Variants in CNKSR3 observed in about 807,000 individuals in gnomAD.
The protein encoded by CNKSR3 is CNKSR family member 3.
A neutral mutation model predicts 67.7 loss-of-function variants in CNKSR3; 36 were observed. The ratio of observed to expected loss-of-function variants is 0.53; its 90% confidence interval spans 0.41 to 0.70. CNKSR3 has a LOEUF of 0.70. Ranked by LOEUF, CNKSR3 falls within the 30% of genes least tolerant of loss-of-function variation. The probability of loss-of-function intolerance (pLI) is 0.00; values close to 1 mark genes in which losing one functional copy is unlikely to be tolerated. For missense variants in CNKSR3, 630 were observed against 695.2 expected (o/e 0.91, Z 1.05); for synonymous variants, 281 against 271.4 (o/e 1.04, Z -0.35).
At chr6:154,437,410 CTTTTTTTTTT>C in intron 4 of CNKSR3, among the ~76,000 whole-genome samples, 1 of 102,144 alleles carries the variant, frequency 9.8e-6, no homozygotes. Flanking sequence ...CACCTATGTT[CTTTTTTTTTT>C]TTTTTTTTTT....
intron 1 of CNKSR3, among the ~76,000 whole-genome samples, chr6:154,460,858 G>C (rs375114404): frequency 6.6e-6 from 1 of 152,210 alleles, no homozygotes; most frequent in Non-Finnish European, 1.5e-5. Context: ...TCGGCACAGA[G>C]ACATGCAGTG....
chr6:154,454,104 C>CACACAG (rs1268729108), intron 1 of CNKSR3, among the ~76,000 whole-genome samples: 1 of 116,290 alleles, frequency 8.6e-6, no homozygotes, highest in African/African-American at 3.4e-5. Flanking sequence ...CACACACACA[C>CACACAG]AGAGAGAGAG....
chr6:154,426,562 A>G (rs1785260890), intron 7 of CNKSR3, among the ~76,000 whole-genome samples: 2 of 151,970 alleles, frequency 1.3e-5, no homozygotes, highest in Admixed American at 1.3e-4. Context: ...TCACCATGTT[A>G]GCCAGGATGG....
At chr6:154,479,108 TA>T (rs1447058719) in intron 1 of CNKSR3, among the ~76,000 whole-genome samples, 2 of 151,216 alleles carry the variant, frequency 1.3e-5, no homozygotes, top group Non-Finnish European at 2.9e-5. Context: ...ACACAGCCTA[TA>T]CCCCCCCATC....
At position 154,456,577 on chromosome 6, in the gene CNKSR3, G is replaced by A. The variant is rs372169884; in HGVS notation, c.53-6319C>T. On this transcript the variant is annotated intron_variant, in intron 1 of 12. Coordinates refer to ENST00000607772, the MANE Select transcript of CNKSR3 (RefSeq NM_173515.4). ...AAAAAAATAGCTGGGCTTGGTGGTG[G>A]GCCCCTGTATTCTCAGCTACTCAGG... is the stretch of plus-strand genomic sequence containing the variant. 1.3e-4 allele frequency among the ~76,000 whole-genome samples: 20 copies of A among 151,418 alleles called. No homozygotes were observed. The South Asian group carries it at 2.5e-3, about 19-fold the overall frequency.
intron 1 of CNKSR3, among the ~76,000 whole-genome samples, chr6:154,465,966 G>T (rs1786189577): frequency 6.6e-6 from 1 of 152,170 alleles, no homozygotes; most frequent in South Asian, 2.1e-4. Flanking sequence ...CTAGAAACTG[G>T]CCCTCCAGGC....
At chr6:154,423,890 T>G (rs1454048940) in intron 7 of CNKSR3, among the ~76,000 whole-genome samples, 1 of 152,158 alleles carries the variant, frequency 6.6e-6, no homozygotes, top group Non-Finnish European at 1.5e-5. Context: ...CTTTTTTTCC[T>G]TCAAATAACG....
intron 1 of CNKSR3, among the ~76,000 whole-genome samples, chr6:154,502,674 G>T (rs1787023067): frequency 3.9e-5 from 6 of 152,190 alleles, no homozygotes; most frequent in Admixed American, 3.9e-4. Context: ...CATCTGCAGT[G>T]GAAACTGCCT....
At chr6:154,446,898 G>C (rs2128718532) in intron 2 of CNKSR3, among the ~76,000 whole-genome samples, 1 of 150,456 alleles carries the variant, frequency 6.6e-6, no homozygotes. Context: ...TCCACCTCCT[G>C]GGTTCACGCC....
chr6:154,471,841 T>C (rs1786337154), intron 1 of CNKSR3, among the ~76,000 whole-genome samples: 1 of 152,090 alleles, frequency 6.6e-6, no homozygotes, highest in Non-Finnish European at 1.5e-5. Context: ...GAAATGCCAG[T>C]CCTGAAATAG....
chr6:154,486,224 CACTT>C (rs1295812406), intron 1 of CNKSR3, among the ~76,000 whole-genome samples: 2 of 152,038 alleles, frequency 1.3e-5, no homozygotes, highest in Non-Finnish European at 2.9e-5. Context: ...TTTAAGAACT[CACTT>C]ACCATCACCC....
At chr6:154,509,682 A>G (rs57619897) in intron 1 of CNKSR3, among the ~76,000 whole-genome samples, 49,031 of 151,782 alleles carry the variant, frequency 0.32, 8,290 homozygotes, top group African/African-American at 0.41. Flanking sequence ...ACACAAAGGC[A>G]CCTTGTGCCT....
chr6:154,433,619 C>T (rs1374467660), intron 4 of CNKSR3, 112 bp from the exon 5 acceptor site: 9 of 764,634 alleles, frequency 1.2e-5, no homozygotes, highest in Non-Finnish European at 1.8e-5. Flanking sequence ...CCCTGACACA[C>T]CCGTCAGCCT....
chr6:154,426,597 T>C (rs1041148937), intron 7 of CNKSR3, among the ~76,000 whole-genome samples: 10 of 152,096 alleles, frequency 6.6e-5, no homozygotes, highest in Non-Finnish European at 1.2e-4. Context: ...CCTTGTGATC[T>C]GCCCACCTCA....
intron 1 of CNKSR3, among the ~76,000 whole-genome samples, chr6:154,464,410 C>T (rs775097912): frequency 6.6e-6 from 1 of 152,126 alleles, no homozygotes; most frequent in Non-Finnish European, 1.5e-5. Context: ...ATTTAAGCAG[C>T]ACGTTAAAGA....
intron 2 of CNKSR3, 40 bp from the exon 3 acceptor site, chr6:154,442,330 G>A (rs1192214114): frequency 6.4e-7 from 1 of 1,572,230 alleles, no homozygotes; most frequent in East Asian, 2.2e-5. Context: ...TCAAAACAAT[G>A]CACAATATTC....
At chr6:154,496,279 C>T (rs72999380) in intron 1 of CNKSR3, among the ~76,000 whole-genome samples, 21,243 of 152,084 alleles carry the variant, frequency 0.14, 1,830 homozygotes, top group African/African-American at 0.25. Context: ...GAAATAAAGA[C>T]GAGCTGGCTG....
In CNKSR3 at chr6:154,428,196, A is replaced by G; in HGVS notation, c.670-9T>C. 2 of 1,589,004 alleles carry G rather than the reference A, an allele frequency of 1.3e-6. No homozygotes were observed. The highest frequency in any genetic ancestry group is 2.2e-5 in the East Asian group (1 of 44,754). On this transcript the variant is annotated splice_polypyrimidine_tract_variant and intron_variant, in intron 6 of 12. Transcript: ENST00000607772. ...GATTTGATGTACATGCCCTGGAGTG[A>G]ATCACAAATAGATTAACTCATTACT...
chr6:154,414,763 G>C (rs774962798), intron 9 of CNKSR3: 3 of 520,828 alleles, frequency 5.8e-6, no homozygotes, highest in Non-Finnish European at 1.2e-5. Context: ...CTCTTGCATA[G>C]AGCTGCAGTG....
Sources: allele counts gnomAD v4.1 joint callset (sites outside exome capture counted in the v4.1 genomes callset), GRCh38; gene constraint gnomAD v4.1.1; transcripts MANE v1.5; gene names NCBI Gene and HGNC (gene_info 2026-07-23, HGNC 2026-07-21).